The following AP1G1 variants were observed in gnomAD, a reference collection of about 807,000 sequenced individuals.
AP1G1 encodes adaptor related protein complex 1 subunit gamma 1.
Under a neutral mutation model 108.3 loss-of-function variants are expected in AP1G1, and 7 were observed. The observed-to-expected ratio is 0.06, with a 90% CI of 0.04 to 0.12. The LOEUF (loss-of-function observed/expected upper bound fraction) is 0.12. AP1G1 is among the 10% of genes least tolerant of loss of function. AP1G1 has a pLI of 1.00. For missense variants in AP1G1, 756 were observed against 1,010.7 expected, an observed-to-expected ratio of 0.75 and a Z score of 3.42; for synonymous variants, 379 against 353.5, an observed-to-expected ratio of 1.07 and a Z score of -0.81.
chr16:71,759,451 ACT>A (rs1389138911), intron 10 of AP1G1, among the ~76,000 whole-genome samples: 1 of 149,556 alleles, frequency 6.7e-6, no homozygotes, highest in East Asian at 2.0e-4. Context: ...ACAGAGCGAG[ACT>A]CTGTCTCAAA....
intron 1 of AP1G1, among the ~76,000 whole-genome samples, chr16:71,790,812 A>G (rs1287073316): frequency 1.3e-5 from 2 of 152,248 alleles, no homozygotes; most frequent in African/African-American, 4.8e-5. Context: ...AAATCTTTGC[A>G]AACAGGTTAA....
intron 19 of AP1G1, among the ~76,000 whole-genome samples, chr16:71,740,225 C>A (rs1213220341): frequency 6.6e-6 from 1 of 152,226 alleles, no homozygotes; most frequent in East Asian, 1.9e-4. Context: ...CTTCCTAATT[C>A]TTTGTTGTAG....
chr16:71,754,559 C>T lies in AP1G1; in HGVS notation c.1230-672G>A, dbSNP rs566279321. Reference sequence around the variant, plus strand: ...TGCCTATAATCCCAGTACTTTGGGACGCCAAGGAGGAAGGAGTGCTTGAGG... The same window carrying T: ...TGCCTATAATCCCAGTACTTTGGGATGCCAAGGAGGAAGGAGTGCTTGAGG... On this transcript the variant is annotated intron_variant, in intron 12 of 22. Coordinates refer to ENST00000299980, the MANE Select transcript of AP1G1 (RefSeq NM_001128.6). Among the ~76,000 whole-genome samples, 32 of 152,198 alleles carry T rather than the reference C, an allele frequency of 2.1e-4. 1 individual carries two copies. The South Asian group carries it at 5.0e-3, about 24-fold the overall frequency.
rs1454714876 is a variant in AP1G1 at position 71,794,844 on chromosome 16, T to C, written c.-3-5362A>G. On this transcript the variant is annotated intron_variant, in intron 1 of 22. Transcript: ENST00000299980. ...CAGGCCATGAGAAGTGCTTTTTTTT[T>C]TTTTTTTTTTTTTTTTTTTTACTTT... Among the ~76,000 whole-genome samples, 35 of 140,340 alleles carry C rather than the reference T, an allele frequency of 2.5e-4. 1 individual carries two copies. Among genetic ancestry groups the C allele is most frequent in the African/African-American group, 8.5e-4 (32 of 37,604 alleles). The allele number at this position is 140,340 out of a possible 152,430, so 92.1% of individuals were successfully genotyped here. A position where few individuals can be genotyped will look rare whatever the true frequency, so the allele number is the denominator to read the frequency against.
intron 6 of AP1G1, among the ~76,000 whole-genome samples, chr16:71,769,239 C>G (rs1007204553): frequency 1.3e-5 from 2 of 151,802 alleles, no homozygotes; most frequent in South Asian, 4.1e-4. Flanking sequence ...GCTGAGATCA[C>G]GCCATTGCAC....
At chr16:71,780,285 G>A (rs2031963059) in intron 2 of AP1G1, among the ~76,000 whole-genome samples, 1 of 151,928 alleles carries the variant, frequency 6.6e-6, no homozygotes, top group African/African-American at 2.4e-5. Flanking sequence ...CACCGCGCCG[G>A]CCAAAAGTTT....
At chr16:71,749,119 G>C (rs1432081677) in intron 15 of AP1G1, among the ~76,000 whole-genome samples, 1 of 152,004 alleles carries the variant, frequency 6.6e-6, no homozygotes, top group Non-Finnish European at 1.5e-5. Flanking sequence ...GTGTTAGCCA[G>C]GATGGTCTGG....
chr16:71,805,669 T>C (rs937988670), intron 1 of AP1G1, among the ~76,000 whole-genome samples: 7 of 152,296 alleles, frequency 4.6e-5, no homozygotes, highest in South Asian at 2.1e-4. Context: ...GGTATGTAGA[T>C]TGCCAATTCA....
intron 1 of AP1G1, among the ~76,000 whole-genome samples, chr16:71,797,123 T>C (rs1317404554): frequency 2.0e-5 from 3 of 151,582 alleles, no homozygotes; most frequent in African/African-American, 7.3e-5. Context: ...CTGACACTAA[T>C]GAAATAAAAA....
chr16:71,771,360 C>G, intron 4 of AP1G1, 108 bp from the exon 5 acceptor site: 3 of 616,308 alleles, frequency 4.9e-6, no homozygotes, highest in Non-Finnish European at 8.2e-6. Context: ...AGTTCATCTA[C>G]TAGAAAAATA....
At chr16:71,768,966 A>T (rs1414567025) in intron 6 of AP1G1, among the ~76,000 whole-genome samples, 3 of 4,408 alleles carry the variant, frequency 6.8e-4, no homozygotes, top group Admixed American at 5.2e-3. Context: ...TCCTGCCTTT[A>T]AAAAAAAAAT....
At chr16:71,773,519 T>A (rs989762913) in intron 3 of AP1G1, among the ~76,000 whole-genome samples, 157 bp from the exon 4 acceptor site, 3 of 152,162 alleles carry the variant, frequency 2.0e-5, no homozygotes, top group African/African-American at 7.2e-5. Context: ...TTATTACAAA[T>A]TATCAATATA....
chr16:71,731,545 T>G lies in AP1G1; in HGVS notation c.*1513A>C, dbSNP rs1220157547. On this transcript the variant is annotated 3_prime_UTR_variant, in exon 23 of 23. Transcript: ENST00000299980. ...CAAGGTGGGCCTCACTTTTTCTTTCTTCAGTATATAAGACATGGCGCCTGA... is the reference window on the plus strand; with the variant it reads ...CAAGGTGGGCCTCACTTTTTCTTTCGTCAGTATATAAGACATGGCGCCTGA... The G allele has an allele frequency of 6.6e-6, 1 of 152,644 alleles. No homozygotes were observed. The highest frequency in any genetic ancestry group is 1.5e-5 in the Non-Finnish European group (1 of 68,046). 9.5% of individuals were successfully genotyped at this position (152,644 alleles called of 1,614,324 possible).
At chr16:71,808,589 G>C (rs1368192854) in intron 1 of AP1G1, 174 bp downstream of exon 1, 1 of 1,289,448 alleles carries the variant, frequency 7.8e-7, no homozygotes, top group Non-Finnish European at 1.0e-6. Flanking sequence ...CCAGAAGTCG[G>C]AGCAGCCCCT....
intron 10 of AP1G1, 30 bp from the exon 11 acceptor site, chr16:71,758,951 T>C: frequency 7.6e-7 from 1 of 1,310,004 alleles, no homozygotes; most frequent in Non-Finnish European, 1.1e-6. Context: ...AATAACAGAG[T>C]TAAAATGTAA....
At chr16:71,755,535 A>G (rs2030737406) in intron 12 of AP1G1, among the ~76,000 whole-genome samples, 1 of 152,236 alleles carries the variant, frequency 6.6e-6, no homozygotes, top group African/African-American at 2.4e-5. Context: ...TTTTGGTCTC[A>G]GCATATTTAA....
intron 9 of AP1G1, among the ~76,000 whole-genome samples, chr16:71,763,696 T>C (rs1258650903): frequency 2.6e-5 from 4 of 152,304 alleles, no homozygotes; most frequent in Non-Finnish European, 5.9e-5. Flanking sequence ...TTTGGTTATC[T>C]AACTAGATAC....
intron 21 of AP1G1, among the ~76,000 whole-genome samples, chr16:71,737,014 A>G (rs796329216): frequency 7.9e-5 from 12 of 152,310 alleles, no homozygotes; most frequent in African/African-American, 2.9e-4. Flanking sequence ...TAAAGTAACA[A>G]GTATAAAACC....
intron 1 of AP1G1, chr16:71,808,451 TG>T (rs1165002168): frequency 7.7e-5 from 92 of 1,199,908 alleles, no homozygotes; most frequent in Non-Finnish European, 9.7e-5. Flanking sequence ...GCTCCCTGAA[TG>T]AGCCCTCAAA....
Sources: gnomAD v4.1 joint callset for allele counts (sites outside exome capture counted in the v4.1 genomes callset) on GRCh38, gnomAD v4.1.1 for gene constraint, MANE v1.5 for transcripts, NCBI Gene and HGNC (gene_info 2026-07-23, HGNC 2026-07-21) for gene names.